The following EMB variants were observed in gnomAD, a reference collection of about 807,000 sequenced individuals.
The protein encoded by EMB is embigin homolog.
EMB carries 31 observed loss-of-function variants against 41.4 expected under a neutral mutation model. The ratio of observed to expected loss-of-function variants is 0.75; its 90% CI spans 0.56 to 1.01. The LOEUF (loss-of-function observed/expected upper bound fraction) is 1.01, where lower values mean the gene tolerates loss of function less well. EMB is among the 50% of genes least tolerant of loss of function. EMB has a pLI of 0.00. For synonymous variants in EMB, 137 were observed against 140.4 expected, an observed-to-expected ratio of 0.98 and a Z score of 0.17; for missense variants, 379 against 388.3, an observed-to-expected ratio of 0.98 and a Z score of 0.20.
chr5:50,436,965 A>G (rs1745813897), intron 1 of EMB, among the ~76,000 whole-genome samples: 1 of 152,240 alleles, frequency 6.6e-6, no homozygotes, highest in African/African-American at 2.4e-5. Context: ...TGCATCAGAA[A>G]CATCACTATT....
At chr5:50,439,581 C>A (rs1417822480) in intron 1 of EMB, among the ~76,000 whole-genome samples, 1 of 151,492 alleles carries the variant, frequency 6.6e-6, no homozygotes, top group Admixed American at 6.6e-5. Flanking sequence ...CCCACCTCAG[C>A]GCCCAAAAGT....
intron 1 of EMB, among the ~76,000 whole-genome samples, chr5:50,431,670 G>A (rs1327015150): frequency 6.6e-6 from 1 of 152,128 alleles, no homozygotes; most frequent in African/African-American, 2.4e-5. Flanking sequence ...ATGATGCCAA[G>A]ATCATAACAT....
rs140410135 is a variant in EMB, at chr5:50,422,875, G to T, written c.196+5269C>A. On this transcript the variant is annotated intron_variant, in intron 2 of 8. Coordinates refer to ENST00000303221, the MANE Select transcript of EMB (RefSeq NM_198449.3). Reference sequence around the variant, plus strand: ...GGCCAACTGTCAAGATGTTTTGAAGGCCAATCTGGAAGTATATGTTAAAAT... The same window carrying T: ...GGCCAACTGTCAAGATGTTTTGAAGTCCAATCTGGAAGTATATGTTAAAAT... 2.3e-3 allele frequency among the ~76,000 whole-genome samples: 346 copies of T among 152,212 alleles called. 3 individuals carry two copies. The highest frequency in any genetic ancestry group is 7.9e-3 in the African/African-American group (328 of 41,542).
At chr5:50,421,287 T>C (rs1745517957) in intron 2 of EMB, among the ~76,000 whole-genome samples, 1 of 151,516 alleles carries the variant, frequency 6.6e-6, no homozygotes, top group Non-Finnish European at 1.5e-5. Flanking sequence ...AAAAGACACA[T>C]GAAAAAATGC....
At position 50,398,298 on chromosome 5, in the gene EMB, A is replaced by G. The variant is rs895925123; in HGVS notation, c.*975T>C. 3 of 152,020 alleles carry G rather than the reference A, an allele frequency of 2.0e-5. No individual in the cohort carries two copies. The highest frequency in any genetic ancestry group is 4.4e-5 in the Non-Finnish European group (3 of 67,984). The allele number at this position is 152,020 out of a possible 1,614,324, so 9.4% of individuals were successfully genotyped here. A position where few individuals can be genotyped will look rare whatever the true frequency, so the allele number is the denominator to read the frequency against. On this transcript the variant is annotated 3_prime_UTR_variant, in exon 9 of 9. Transcript: ENST00000303221. ...GAAACGAAGTATCCTATTTTGGAAG[A>G]TAAGTCTAAGGCATTCACAGCAATA...
intron 2 of EMB, among the ~76,000 whole-genome samples, chr5:50,421,832 G>A (rs888457733): frequency 4.7e-5 from 7 of 148,940 alleles, no homozygotes; most frequent in Admixed American, 1.4e-4. Context: ...ACTCATAGAT[G>A]GGAACTGAAC....
chr5:50,438,713 T>C (rs1745846169), intron 1 of EMB, among the ~76,000 whole-genome samples: 1 of 152,118 alleles, frequency 6.6e-6, no homozygotes, highest in African/African-American at 2.4e-5. Flanking sequence ...TGAGAGTGCC[T>C]GACAATTTTT....
chr5:50,399,730 C>G (rs948468779), intron 8 of EMB, 129 bp downstream of exon 8: 3 of 715,394 alleles, frequency 4.2e-6, no homozygotes, highest in African/African-American at 3.7e-5. Flanking sequence ...ATAGTGTTAA[C>G]AAGCATATTT....
intron 2 of EMB, among the ~76,000 whole-genome samples, chr5:50,419,360 C>T (rs1169388213): frequency 6.6e-6 from 1 of 152,150 alleles, no homozygotes; most frequent in Non-Finnish European, 1.5e-5. Flanking sequence ...CACATATCCA[C>T]TTCAATATAA....
At position 50,405,928 on chromosome 5, in the gene EMB, T is replaced by C. The variant is rs1485541072; in HGVS notation, c.473-76A>G. 1.7e-4 allele frequency: 241 copies of C among 1,451,534 alleles called. 3 individuals carry two copies. Among genetic ancestry groups the C allele is most frequent in the Non-Finnish European group, 2.1e-5 (23 of 1,098,924 alleles). 89.9% of individuals were successfully genotyped at this position (1,451,534 alleles called of 1,614,324 possible). On this transcript the variant is annotated intron_variant, in intron 4 of 8. Transcript: ENST00000303221. ...AAATGTATTAAATGTGCAAATATTG[T>C]CTCCTTTCATTTTTTCATTACATTA...
At chr5:50,416,111 CA>C (rs976711915) in intron 2 of EMB, among the ~76,000 whole-genome samples, 1 of 152,156 alleles carries the variant, frequency 6.6e-6, no homozygotes, top group African/African-American at 2.4e-5. Context: ...ATCACAGCAT[CA>C]AAAACATGCA....
rs1486958875 is a variant in EMB at position 50,398,027 on chromosome 5, C to G, written c.*1246G>C. 1 of 151,664 alleles carries G rather than the reference C, an allele frequency of 6.6e-6. No individual in the cohort carries two copies. The highest frequency in any genetic ancestry group is 6.6e-5 in the Admixed American group (1 of 15,154). 9.4% of individuals were successfully genotyped at this position (151,664 alleles called of 1,614,324 possible). On this transcript the variant is annotated 3_prime_UTR_variant, in exon 9 of 9. Coordinates refer to ENST00000303221, the MANE Select transcript of EMB (RefSeq NM_198449.3). ...TATTTCTTGTCAAATCATTGAATTCCTCCTCCCCAACCTTTAAATTCCCTA... is the reference window on the plus strand; with the variant it reads ...TATTTCTTGTCAAATCATTGAATTCGTCCTCCCCAACCTTTAAATTCCCTA...
intron 2 of EMB, among the ~76,000 whole-genome samples, chr5:50,425,786 T>C (rs995505900): frequency 2.1e-4 from 31 of 150,924 alleles, no homozygotes; most frequent in African/African-American, 7.1e-4. Context: ...CAGGTTCAAG[T>C]GATTCTCCTG....
At chr5:50,416,015 C>T (rs949046039) in intron 2 of EMB, among the ~76,000 whole-genome samples, 9 of 152,216 alleles carry the variant, frequency 5.9e-5, no homozygotes, top group Non-Finnish European at 1.2e-4. Context: ...AAGCCCTAAT[C>T]GTTGTCTCAC....
chr5:50,439,042 C>T (rs1445962097), intron 1 of EMB, among the ~76,000 whole-genome samples: 7 of 151,872 alleles, frequency 4.6e-5, no homozygotes, highest in Admixed American at 1.3e-4. Context: ...CTTAAAATCA[C>T]ATTTAAAGCT....
At chr5:50,405,260 G>C (rs1045937491) in intron 5 of EMB, among the ~76,000 whole-genome samples, 2 of 151,900 alleles carry the variant, frequency 1.3e-5, no homozygotes, top group African/African-American at 2.4e-5. Context: ...GTAAGATTAA[G>C]TTACAAAGTT....
intron 2 of EMB, among the ~76,000 whole-genome samples, chr5:50,426,567 C>T (rs367748037): frequency 1.3e-5 from 2 of 152,062 alleles, no homozygotes; most frequent in East Asian, 3.9e-4. Context: ...TTACAATTAA[C>T]GTATTGTATT....
Position 50,405,731 on chromosome 5 carries a change from A to T in EMB, c.594T>A (p.Ser198Arg). 3 of 1,584,830 alleles carry T rather than the reference A, an allele frequency of 1.9e-6. No homozygotes were observed. Among genetic ancestry groups the T allele is most frequent in the Non-Finnish European group, 2.6e-6 (3 of 1,169,560 alleles). Residue 198 changes from serine (S) to arginine (R), a missense_variant, in exon 5 of 9, where the codon AGT (serine) becomes AGA (arginine). By Grantham distance (110) the Ser-to-Arg change is moderately radical. Transcript: ENST00000303221. Reference protein sequence around the residue: ...LNWTWYSSNGSVKVPVGVQMN... With the variant: ...LNWTWYSSNGRVKVPVGVQMN... ...AATCAAGGAACTATCTTACCTTTAC[A>T]CTCCCATTACTACTGTACCAGGTCC...
chr5:50,400,805 C>T (rs1012271135), intron 7 of EMB, among the ~76,000 whole-genome samples: 3 of 151,998 alleles, frequency 2.0e-5, no homozygotes, highest in African/African-American at 4.8e-5. Flanking sequence ...TCATCTTTTA[C>T]ACTATATATT....
Sources: gnomAD v4.1 joint callset for allele counts (sites outside exome capture counted in the v4.1 genomes callset) on GRCh38, gnomAD v4.1.1 for gene constraint, MANE v1.5 for transcripts, NCBI Gene and HGNC (gene_info 2026-07-23, HGNC 2026-07-21) for gene names.